Variants in NIBAN1 observed in about 807,000 individuals in gnomAD.
NIBAN1 encodes the protein niban apoptosis regulator 1.
NIBAN1 carries 81 observed loss-of-function variants against 75.1 expected under a neutral mutation model. That is an observed-to-expected ratio of 1.08 (90% CI 0.90 to 1.30). The LOEUF (loss-of-function observed/expected upper bound fraction) is 1.30, where lower values mean the gene tolerates loss of function less well. Ranked by LOEUF, NIBAN1 falls within the 50% of genes most tolerant of loss-of-function variation. The pLI, the probability that NIBAN1 is intolerant of heterozygous loss-of-function variation, is 0.00. For synonymous variants in NIBAN1, 436 were observed against 424.8 expected, an observed-to-expected ratio of 1.03 and a Z score of -0.32; for missense variants, 1,133 against 1,128.1, an observed-to-expected ratio of 1.00 and a Z score of -0.06.
At chr1:184,957,998 A>G (rs1287333886) in intron 1 of NIBAN1, among the ~76,000 whole-genome samples, 1 of 152,154 alleles carries the variant, frequency 6.6e-6, no homozygotes, top group African/African-American at 2.4e-5. Flanking sequence ...TGTTGCTAAC[A>G]TTTAGGTGAC....
intron 1 of NIBAN1, among the ~76,000 whole-genome samples, chr1:184,949,580 C>T (rs1393833338): frequency 6.6e-6 from 1 of 152,076 alleles, no homozygotes; most frequent in Non-Finnish European, 1.5e-5. Flanking sequence ...CATGGGCTGC[C>T]CCAATCCTTC....
chr1:184,942,677 G>C (rs1658122334), intron 1 of NIBAN1, among the ~76,000 whole-genome samples: 2 of 138,066 alleles, frequency 1.4e-5, no homozygotes, highest in Non-Finnish European at 3.0e-5. Context: ...CTGGGCGACA[G>C]AGCGAGACTC....
Position 184,901,900 on chromosome 1 carries a change from T to A in NIBAN1, c.56-2591A>T, listed in dbSNP as rs557407057. 2.0e-5 allele frequency among the ~76,000 whole-genome samples: 3 copies of A among 152,316 alleles called. No individual in the cohort carries two copies. The South Asian group carries it at 6.2e-4, about 32-fold the overall frequency. On this transcript the variant is annotated intron_variant, in intron 1 of 13. Coordinates refer to ENST00000367511, the MANE Select transcript of NIBAN1 (RefSeq NM_052966.4). ...AATTGCAGCTTCTTTAGGTAATTAA[T>A]CTAATAACTAGTTCAAACTATGTAT... is the stretch of plus-strand genomic sequence containing the variant.
intron 9 of NIBAN1, among the ~76,000 whole-genome samples, chr1:184,813,878 C>G (rs1310863244): frequency 6.6e-6 from 1 of 152,098 alleles, no homozygotes; most frequent in African/African-American, 2.4e-5. Flanking sequence ...GTCCTAGGCT[C>G]CACACCTAGT....
rs749104536 is a variant in NIBAN1 at position 184,808,248 on chromosome 1, G to A, written c.1174-13C>T. ...GCCGGTCTAGATGCTGCATTTTGGT[G>A]AAGGGAAACATTAAACACCCTCAGA... On this transcript the variant is annotated splice_polypyrimidine_tract_variant and intron_variant, in intron 9 of 13. Coordinates refer to ENST00000367511, the MANE Select transcript of NIBAN1 (RefSeq NM_052966.4). 1.9e-6 allele frequency: 3 copies of A among 1,612,456 alleles called. No homozygotes were observed. The highest frequency in any genetic ancestry group is 2.5e-6 in the Non-Finnish European group (3 of 1,178,880).
At chr1:184,809,777 C>T (rs981050937) in intron 9 of NIBAN1, among the ~76,000 whole-genome samples, 1 of 151,660 alleles carries the variant, frequency 6.6e-6, no homozygotes, top group African/African-American at 2.4e-5. Context: ...CATGGTGTAT[C>T]CATACATGAA....
chr1:184,922,911 A>T (rs1443025148), intron 1 of NIBAN1, among the ~76,000 whole-genome samples: 2 of 152,122 alleles, frequency 1.3e-5, no homozygotes, highest in Non-Finnish European at 2.9e-5. Context: ...GCCTGATTTA[A>T]CTTAGATTGT....
chr1:184,952,314 G>A (rs1357069237), intron 1 of NIBAN1, among the ~76,000 whole-genome samples: 1 of 152,172 alleles, frequency 6.6e-6, no homozygotes, highest in Non-Finnish European at 1.5e-5. Context: ...TGAGGTGAGA[G>A]GATAGCTTGA....
rs1337654184 is a variant in NIBAN1, at chr1:184,792,984, G to T, written c.*1993C>A. ...GAAAGCAGAGACTGGGGGAGAAGTGGTCTTTACTTCCTTCACCTGTGGTGG... is the reference window on the plus strand; with the variant it reads ...GAAAGCAGAGACTGGGGGAGAAGTGTTCTTTACTTCCTTCACCTGTGGTGG... On this transcript the variant is annotated 3_prime_UTR_variant, in exon 14 of 14. Transcript: ENST00000367511. 1 of 152,220 alleles carries T rather than the reference G, an allele frequency of 6.6e-6. No individual in the cohort carries two copies. Among genetic ancestry groups the T allele is most frequent in the Non-Finnish European group, 1.5e-5 (1 of 68,054 alleles). The allele number at this position is 152,220 out of a possible 1,614,324, so 9.4% of individuals were successfully genotyped here.
At chr1:184,820,991 G>A (rs973354565) in intron 8 of NIBAN1, among the ~76,000 whole-genome samples, 2 of 152,142 alleles carry the variant, frequency 1.3e-5, no homozygotes, top group African/African-American at 4.8e-5. Flanking sequence ...ATTATGAGGG[G>A]CCCACATAGC....
chr1:184,885,995 T>C (rs1656515070), intron 4 of NIBAN1, among the ~76,000 whole-genome samples: 1 of 152,104 alleles, frequency 6.6e-6, no homozygotes, highest in Non-Finnish European at 1.5e-5. Flanking sequence ...TGTGCTGGCT[T>C]CCCCTCCACT....
Position 184,823,584 on chromosome 1 carries a change from A to T in NIBAN1, c.822+54T>A. 2.5e-6 allele frequency: 4 copies of T among 1,576,312 alleles called. 1 individual carries two copies. In the South Asian group the frequency reaches 4.4e-5, roughly 18 times the overall value. On this transcript the variant is annotated intron_variant, in intron 7 of 13. Coordinates refer to ENST00000367511, the MANE Select transcript of NIBAN1 (RefSeq NM_052966.4). ...CAACAAATGCCCTAAAAGAAAAGGG[A>T]AGAGAATGTTCCCATTTTGAGTAGC...
At chr1:184,969,694 T>A (rs1171687665) in intron 1 of NIBAN1, among the ~76,000 whole-genome samples, 1 of 127,766 alleles carries the variant, frequency 7.8e-6, no homozygotes, top group African/African-American at 4.1e-5. Flanking sequence ...GTTTCTTTCT[T>A]TTTTTTTTTT....
intron 1 of NIBAN1, among the ~76,000 whole-genome samples, chr1:184,971,098 C>A (rs1658924775): frequency 6.7e-6 from 1 of 150,082 alleles, no homozygotes; most frequent in Non-Finnish European, 1.5e-5. Context: ...CCTGCCTGGG[C>A]AACATGGCAA....
chr1:184,855,174 T>C (rs1308140164), intron 5 of NIBAN1, among the ~76,000 whole-genome samples: 1 of 152,254 alleles, frequency 6.6e-6, no homozygotes, highest in African/African-American at 2.4e-5. Flanking sequence ...TAAATAGTTG[T>C]AACTAGTTAC....
chr1:184,916,269 G>T (rs1657380377), intron 1 of NIBAN1, among the ~76,000 whole-genome samples: 1 of 151,862 alleles, frequency 6.6e-6, no homozygotes, highest in Admixed American at 6.6e-5. Flanking sequence ...TCGATGTAGG[G>T]GAACGAAAAA....
At chr1:184,950,101 G>A (rs541740065) in intron 1 of NIBAN1, among the ~76,000 whole-genome samples, 1 of 152,178 alleles carries the variant, frequency 6.6e-6, no homozygotes, top group African/African-American at 2.4e-5. Flanking sequence ...AAAAACAAGA[G>A]TTATAAAGGT....
At chr1:184,862,786 C>A (rs1248441783) in intron 5 of NIBAN1, among the ~76,000 whole-genome samples, 1 of 151,662 alleles carries the variant, frequency 6.6e-6, no homozygotes, top group African/African-American at 2.4e-5. Flanking sequence ...TGGAAAATAT[C>A]AGAATATTGA....
At position 184,894,183 on chromosome 1, in the gene NIBAN1, A is replaced by C; in HGVS notation, c.210T>G (p.Ile70Met). Residue 70 changes from isoleucine to methionine, a missense_variant, in exon 3 of 14, where the codon ATT (isoleucine) becomes ATG (methionine). Physicochemically the swap from Ile to Met is conservative, Grantham distance 10. Transcript: ENST00000367511. Reference sequence around the variant, plus strand: ...ATTGTGATAGCTCTGCTTCATACAAAATAGTTCCAGGCGCCAATGGTGGCT... The same window carrying C: ...ATTGTGATAGCTCTGCTTCATACAACATAGTTCCAGGCGCCAATGGTGGCT... ...KTKPPLAPGT[I>M]LYEAELSQFS... 5 of 1,608,952 alleles carry C rather than the reference A, an allele frequency of 3.1e-6. No homozygotes were observed. The highest frequency in any genetic ancestry group is 4.2e-6 in the Non-Finnish European group (5 of 1,178,256).
Sources: allele counts gnomAD v4.1 joint callset (sites outside exome capture counted in the v4.1 genomes callset), GRCh38; gene constraint gnomAD v4.1.1; transcripts MANE v1.5; gene names NCBI Gene and HGNC (gene_info 2026-07-23, HGNC 2026-07-21).